Variants in PLA2G4D observed in about 807,000 individuals in gnomAD.
PLA2G4D encodes the protein cytosolic phospholipase A2 delta.
PLA2G4D carries 80 observed loss-of-function variants against 94.4 expected under a neutral mutation model. The observed-to-expected ratio is 0.85, with a 90% CI of 0.71 to 1.02. PLA2G4D has a LOEUF of 1.02. PLA2G4D is among the 50% of genes least tolerant of loss of function. PLA2G4D has a pLI of 0.00. For missense variants in PLA2G4D, 1,050 were observed against 1,034.7 expected, an observed-to-expected ratio of 1.01 and a Z score of -0.20; for synonymous variants, 438 against 440.9, an observed-to-expected ratio of 0.99 and a Z score of 0.08.
At position 42,072,271 on chromosome 15, in the gene PLA2G4D, G is replaced by A. The variant is rs930124280; in HGVS notation, c.1435+4C>T. ...ATGTGGGAGGGGAGTAGGTAGAACT[G>A]TACCCTTGAAGTCCAGTGTCTCCAG... is the stretch of plus-strand genomic sequence containing the variant. On this transcript the variant is annotated splice_donor_region_variant and intron_variant, in intron 14 of 19. Transcript: ENST00000290472. The A allele has an allele frequency of 3.1e-6, 5 of 1,610,552 alleles. No individual in the cohort carries two copies. Among genetic ancestry groups the A allele is most frequent in the Non-Finnish European group, 4.2e-6 (5 of 1,177,244 alleles).
rs74011709 is a variant in PLA2G4D, at chr15:42,084,909, C to T, written c.471+187G>A. ...GCCCTGCCTCCCCTCTCTCTATGCG[C>T]CCCTTAGCTCCAGGCCCCTCCAAGA... On this transcript the variant is annotated intron_variant, in intron 6 of 19. Coordinates refer to ENST00000290472, the MANE Select transcript of PLA2G4D (RefSeq NM_178034.4). The surrounding 1 kb of genome is among the most constrained non-coding windows in gnomAD (Gnocchi z 4.8). 7.2e-3 allele frequency among the ~76,000 whole-genome samples: 1,093 copies of T among 152,256 alleles called. 16 individuals carry two copies. The highest frequency in any genetic ancestry group is 0.026 in the African/African-American group (1,061 of 41,552).
intron 13 of PLA2G4D, among the ~76,000 whole-genome samples, chr15:42,077,731 A>G (rs1889957509): frequency 6.6e-6 from 1 of 152,274 alleles, no homozygotes; most frequent in South Asian, 2.1e-4. Flanking sequence ...TAGATCAGGT[A>G]TCCAGAGATT....
rs552458284 is a variant in PLA2G4D at position 42,087,547 on chromosome 15, G to A, written c.118+81C>T. On this transcript the variant is annotated intron_variant, in intron 2 of 19. Transcript: ENST00000290472. ...CGGTCACCGCAGGTGACCCAGCCCA[G>A]CCCCAGGGCACTCGTCTTGGCCCTT... 4.8e-4 allele frequency: 775 copies of A among 1,605,204 alleles called. 14 individuals are homozygous for A. In the South Asian group the frequency reaches 8.1e-3, roughly 17 times the overall value.
At chr15:42,086,421 G>T in intron 3 of PLA2G4D, 77 bp from the exon 4 acceptor site, 1 of 1,462,608 alleles carries the variant, frequency 6.8e-7, no homozygotes, top group Non-Finnish European at 9.5e-7. Context: ...GCCCTTACTT[G>T]ATGTCTAGAG....
At chr15:42,071,615 T>A in intron 15 of PLA2G4D, 64 bp from the exon 16 acceptor site, 1 of 1,531,944 alleles carries the variant, frequency 6.5e-7, no homozygotes, top group East Asian at 2.3e-5. Context: ...CAGGTACTGA[T>A]GGAAAATGGG....
chr15:42,071,027 G>T, intron 17 of PLA2G4D, 96 bp downstream of exon 17: 1 of 1,547,254 alleles, frequency 6.5e-7, no homozygotes. Context: ...CCACACCCCA[G>T]AAGTGGATGC....
chr15:42,077,470 T>C (rs768913751), intron 13 of PLA2G4D, among the ~76,000 whole-genome samples: 3 of 152,222 alleles, frequency 2.0e-5, no homozygotes, highest in African/African-American at 4.8e-5. Context: ...TCAACAGATA[T>C]AGTTGGGATC....
chr15:42,090,086 C>T (rs1174250737), intron 1 of PLA2G4D, among the ~76,000 whole-genome samples: 1 of 152,222 alleles, frequency 6.6e-6, no homozygotes. Flanking sequence ...AAGGCAGACT[C>T]TGGAGCCAGG....
At position 42,086,275 on chromosome 15, in the gene PLA2G4D, A is replaced by T; in HGVS notation, c.325T>A (p.Tyr109Asn). ...TEDDICFKVL[Y>N]DISEVLPGKL... is the part of the protein sequence containing the mutation. ...CCAGGGAGGACTTCTGAGATGTCAT[A>T]GAGAACCTTGAAGCAGATGTCATCC... The change falls in exon 4 of 20, where the codon TAT (tyrosine) becomes AAT (asparagine). Residue 109 changes from tyrosine to asparagine, a missense_variant. Transcript: ENST00000290472. 6.6e-7 allele frequency: 1 copy of T among 1,516,480 alleles called. No homozygotes were observed. Among genetic ancestry groups the T allele is most frequent in the Non-Finnish European group, 8.9e-7 (1 of 1,125,582 alleles). 93.9% of individuals were successfully genotyped at this position (1,516,480 alleles called of 1,614,324 possible).
intron 1 of PLA2G4D, among the ~76,000 whole-genome samples, chr15:42,089,149 T>C (rs1890207960): frequency 6.6e-6 from 1 of 152,182 alleles, no homozygotes. Flanking sequence ...ACATTTGATA[T>C]CGCATAGCTG....
At chr15:42,071,405 G>A in intron 16 of PLA2G4D, 39 bp downstream of exon 16, 1 of 1,584,182 alleles carries the variant, frequency 6.3e-7, no homozygotes, top group Non-Finnish European at 8.6e-7. Context: ...TAAAGGAACA[G>A]CGTCATCCCA....
At chr15:42,085,027 A>C in intron 6 of PLA2G4D, 69 bp downstream of exon 6, 1 of 1,554,470 alleles carries the variant, frequency 6.4e-7, no homozygotes, top group Non-Finnish European at 8.9e-7. Flanking sequence ...TCCACACCCC[A>C]GGCAGCTGCC....
rs781149855 is a variant in PLA2G4D, at chr15:42,071,907, C to T, written c.1440G>A (p.Trp480Ter). 72 of 1,613,930 alleles carry T rather than the reference C, an allele frequency of 4.5e-5. No individual in the cohort carries two copies. The Admixed American group carries it at 1.2e-3, about 27-fold the overall frequency. ...NNLETLDFKEWVEFSPYEVGF... is the reference protein window; with the variant it reads ...NNLETLDFKE ...CGACCTCATAGGGGGAGAACTCAAC[C>T]CACTCTAATGGGGTGGGAAGGAGAG... is the stretch of plus-strand genomic sequence containing the variant. The change falls in exon 15 of 20, where the codon TGG (tryptophan) becomes TGA (stop). Residue 480 changes from tryptophan to a stop codon, truncating the protein, a stop_gained. Transcript: ENST00000290472. LOFTEE classifies it high-confidence loss of function.
In PLA2G4D at chr15:42,081,074, G is replaced by A. The variant is rs781271036; in HGVS notation, c.1017C>T (p.Tyr339=). 17 of 1,614,202 alleles carry A rather than the reference G, an allele frequency of 1.1e-5. No individual in the cohort carries two copies. Among genetic ancestry groups the A allele is most frequent in the South Asian group, 4.4e-5 (4 of 91,088 alleles). Residue 339 remains tyrosine, a synonymous_variant, in exon 12 of 20, where the codon TAC becomes TAT. Coordinates refer to ENST00000290472, the MANE Select transcript of PLA2G4D (RefSeq NM_178034.4). ...GCTTCTGCAAGGCCAATAGGTGGCC[G>A]TAGAGTGAGGTCATGGCCCGGGCAC... is the stretch of plus-strand genomic sequence containing the variant. ...GGGARAMTSL[Y]GHLLALQKLG...
In PLA2G4D at chr15:42,071,418, C is replaced by T. The variant is rs748373033; in HGVS notation, c.1681+26G>A. ...TCTAAAGGAACAGCGTCATCCCAGGCCCCTCAGTGCCCCTGCCCTTCCCAC... is the reference window on the plus strand; with the variant it reads ...TCTAAAGGAACAGCGTCATCCCAGGTCCCTCAGTGCCCCTGCCCTTCCCAC... On this transcript the variant is annotated intron_variant, in intron 16 of 19. Coordinates refer to ENST00000290472, the MANE Select transcript of PLA2G4D (RefSeq NM_178034.4). The T allele has an allele frequency of 4.4e-6, 7 of 1,592,070 alleles. No homozygotes were observed. In the African/African-American group the frequency reaches 5.4e-5, roughly 12 times the overall value.
chr15:42,069,666 G>A (rs1306778986), intron 19 of PLA2G4D, among the ~76,000 whole-genome samples: 1 of 152,056 alleles, frequency 6.6e-6, no homozygotes, highest in Non-Finnish European at 1.5e-5. Flanking sequence ...AAGGCTGCAG[G>A]AGCCCGGCAT....
intron 15 of PLA2G4D, 86 bp from the exon 16 acceptor site, chr15:42,071,637 G>C: frequency 6.7e-7 from 1 of 1,491,538 alleles, no homozygotes; most frequent in African/African-American, 1.4e-5. Flanking sequence ...GTGGGGCGAG[G>C]GCTACCCCTA....
In PLA2G4D at chr15:42,086,194, T is replaced by TTGGGGGGGGGGGGGGGG; in HGVS notation, c.387+18_387+19insCCCCCCCCCCCCCCCCA. ...GGAAGAAGTGGGGCCCACGGGGACTTCCCCACCCACCCACCCACCTGGGGA... is the reference window on the plus strand; with the variant it reads ...GGAAGAAGTGGGGCCCACGGGGACTTTGGGGGGGGGGGGGGGGCCCCACCCACCCACCCACCTGGGGA... On this transcript the variant is annotated intron_variant, in intron 4 of 19. Transcript: ENST00000290472. The TTGGGGGGGGGGGGGGGG allele has an allele frequency of 4.1e-4, 565 of 1,369,852 alleles. No individual in the cohort carries two copies. Among genetic ancestry groups the TTGGGGGGGGGGGGGGGG allele is most frequent in the Middle Eastern group, 5.6e-4 (2 of 3,592 alleles). 84.9% of individuals were successfully genotyped at this position (1,369,852 alleles called of 1,614,324 possible). A position where few individuals can be genotyped will look rare whatever the true frequency, so the allele number is the denominator to read the frequency against.
In PLA2G4D at chr15:42,071,237, C is replaced by T. The variant is rs771415719; in HGVS notation, c.1762G>A (p.Ala588Thr). 2 of 1,613,102 alleles carry T rather than the reference C, an allele frequency of 1.2e-6. No individual in the cohort carries two copies. Among genetic ancestry groups the T allele is most frequent in the African/African-American group, 1.3e-5 (1 of 74,974 alleles). ...CTGCCTGTCAGGAAGCCTTTAAATG[C>T]CTGGGCCAGCGCCGTGCCTGGCTGC... ...WLQPGTALAQ[A>T]FKGFLTGRPL... The change falls in exon 17 of 20, where the codon GCA becomes ACA. Residue 588 changes from alanine (A) to threonine (T), a missense_variant. By Grantham distance (58) the Ala-to-Thr change is moderately conservative. Transcript: ENST00000290472.
Sources: allele counts gnomAD v4.1 joint callset (sites outside exome capture counted in the v4.1 genomes callset), GRCh38; gene constraint gnomAD v4.1.1; non-coding constraint Gnocchi (gnomAD v3.1); transcripts MANE v1.5; gene names NCBI Gene and HGNC (gene_info 2026-07-23, HGNC 2026-07-21).